SLC4A10: variants seen among roughly 807,000 people sequenced by gnomAD.
The protein encoded by SLC4A10 is solute carrier family 4 member 10, also known as sodium-driven chloride bicarbonate exchanger.
A neutral mutation model predicts 137.7 loss-of-function variants in SLC4A10; 42 were observed. That is an observed-to-expected ratio of 0.30 (90% CI 0.24 to 0.39). The LOEUF (loss-of-function observed/expected upper bound fraction) is 0.39, where lower values mean the gene tolerates loss of function less well. Among genes scored for constraint, SLC4A10 ranks in the 10% least tolerant of loss-of-function variants. The probability of loss-of-function intolerance (pLI) is 1.00; values close to 1 mark genes in which losing one functional copy is unlikely to be tolerated. For synonymous variants in SLC4A10, 474 were observed against 464.1 expected (o/e 1.02, Z -0.27); for missense variants, 925 against 1,355.0 (o/e 0.68, Z 4.98).
At chr2:161,817,321 G>A (rs1378676523) in intron 3 of SLC4A10, among the ~76,000 whole-genome samples, 5 of 152,100 alleles carry the variant, frequency 3.3e-5, no homozygotes, top group Admixed American at 6.5e-5. Context: ...ACTTTTTGAT[G>A]GGACTGTTTG....
intron 1 of SLC4A10, among the ~76,000 whole-genome samples, chr2:161,680,877 C>T (rs543688403): frequency 6.6e-6 from 1 of 151,946 alleles, no homozygotes; most frequent in African/African-American, 2.4e-5. Flanking sequence ...TCACAGTAAC[C>T]CAGATGAGAT....
chr2:161,839,838 C>T lies in SLC4A10; in HGVS notation c.327C>T (p.Asp109=), dbSNP rs745642860. The change falls in exon 4 of 27, where the codon GAC becomes GAT. Residue 109 remains aspartate (D), a synonymous_variant. Coordinates refer to ENST00000446997, the MANE Select transcript of SLC4A10 (RefSeq NM_001178015.2). ...TTATTCTTGGAACCGAGGATGATGA[C>T]GAGGAACACATTCCTCATGACCTTT... ...VQFILGTEDD[D]EEHIPHDLFT... 9.3e-6 allele frequency: 15 copies of T among 1,613,588 alleles called. No homozygotes were observed. Among genetic ancestry groups the T allele is most frequent in the East Asian group, 4.5e-5 (2 of 44,888 alleles).
At chr2:161,686,230 T>G (rs1465688518) in intron 1 of SLC4A10, among the ~76,000 whole-genome samples, 2 of 152,184 alleles carry the variant, frequency 1.3e-5, no homozygotes, top group Non-Finnish European at 2.9e-5. Context: ...TCAAATCCCT[T>G]AGGGATATGA....
intron 2 of SLC4A10, among the ~76,000 whole-genome samples, chr2:161,774,517 G>T (rs1040916458): frequency 6.6e-6 from 1 of 151,700 alleles, no homozygotes; most frequent in African/African-American, 2.4e-5. Context: ...CTGCTTGATG[G>T]CTTATACCTA....
intron 9 of SLC4A10, 119 bp downstream of exon 9, chr2:161,879,407 A>G (rs1345426602): frequency 3.8e-6 from 4 of 1,045,274 alleles, no homozygotes; most frequent in Non-Finnish European, 5.4e-6. Flanking sequence ...TGAAATCCAC[A>G]AAACTACTAT....
At position 161,805,022 on chromosome 2, in the gene SLC4A10, T is replaced by C. The variant is rs1261717370; in HGVS notation, c.277+427T>C. On this transcript the variant is annotated intron_variant, in intron 3 of 26. Coordinates refer to ENST00000446997, the MANE Select transcript of SLC4A10 (RefSeq NM_001178015.2). Reference sequence around the variant, plus strand: ...AAAGACATACCCGGACTAGACAATTTACCAAAATAAAAAAGAGGTTTAATT... The same window carrying C: ...AAAGACATACCCGGACTAGACAATTCACCAAAATAAAAAAGAGGTTTAATT... Among the ~76,000 whole-genome samples the C allele has an allele frequency of 3.3e-5, 5 of 152,260 alleles. No homozygotes were observed. The East Asian group carries it at 9.7e-4, about 29-fold the overall frequency.
chr2:161,824,100 A>G (rs971655222), intron 3 of SLC4A10, among the ~76,000 whole-genome samples: 2 of 152,206 alleles, frequency 1.3e-5, no homozygotes, highest in Non-Finnish European at 2.9e-5. Context: ...AATCCTTTCA[A>G]TGTTGGACAA....
chr2:161,915,759 T>C (rs546605811), intron 15 of SLC4A10, among the ~76,000 whole-genome samples: 2 of 152,094 alleles, frequency 1.3e-5, no homozygotes, highest in East Asian at 3.9e-4. Flanking sequence ...TTGAGCAGGG[T>C]GGGCTGAGTA....
intron 2 of SLC4A10, among the ~76,000 whole-genome samples, chr2:161,803,331 A>G (rs1185863299): frequency 6.6e-6 from 1 of 152,174 alleles, no homozygotes; most frequent in Non-Finnish European, 1.5e-5. Context: ...TTAGTGCAGT[A>G]CATTTGTTAC....
intron 3 of SLC4A10, among the ~76,000 whole-genome samples, chr2:161,836,534 A>AGAG (rs2058790643): frequency 8.5e-5 from 1 of 11,742 alleles, no homozygotes; most frequent in East Asian, 6.0e-4. Context: ...GAGAGAGAGA[A>AGAG]AGAAAGAAAG....
chr2:161,967,966 G>T (rs1218826555), intron 23 of SLC4A10, among the ~76,000 whole-genome samples: 11 of 148,198 alleles, frequency 7.4e-5, no homozygotes, highest in Non-Finnish European at 1.3e-4. Context: ...TGTCTTTACT[G>T]CTTCTGGAAA....
intron 1 of SLC4A10, among the ~76,000 whole-genome samples, chr2:161,744,072 A>G (rs2048176620): frequency 6.6e-6 from 1 of 152,138 alleles, no homozygotes; most frequent in Non-Finnish European, 1.5e-5. Context: ...AATAATCTGC[A>G]AAGAAGGATA....
intron 2 of SLC4A10, among the ~76,000 whole-genome samples, chr2:161,799,836 G>A (rs1370591314): frequency 6.6e-6 from 1 of 151,948 alleles, no homozygotes; most frequent in Non-Finnish European, 1.5e-5. Flanking sequence ...AAGGCACACA[G>A]TTATGCGCAC....
intron 1 of SLC4A10, among the ~76,000 whole-genome samples, chr2:161,762,276 T>G (rs1040715785): frequency 6.6e-6 from 1 of 152,178 alleles, no homozygotes; most frequent in Non-Finnish European, 1.5e-5. Flanking sequence ...TTTAAAAACC[T>G]AATTTCAAAG....
chr2:161,819,339 C>CA (rs1303804785), intron 3 of SLC4A10, among the ~76,000 whole-genome samples: 1 of 151,986 alleles, frequency 6.6e-6, no homozygotes, highest in Non-Finnish European at 1.5e-5. Flanking sequence ...TTTGCTCATA[C>CA]AAAAAACTTT....
Position 161,983,355 on chromosome 2 carries a change from T to G in SLC4A10, c.*203T>G, listed in dbSNP as rs1383806663. On this transcript the variant is annotated 3_prime_UTR_variant, in exon 27 of 27. Transcript: ENST00000446997. ...TCTGTCCCTCAACCCAAATCCACCT[T>G]CATACTGTAAGTAGTGCAATACTTG... 2.1e-6 allele frequency: 2 copies of G among 936,816 alleles called. No homozygotes were observed. Among genetic ancestry groups the G allele is most frequent in the Admixed American group, 2.3e-5 (1 of 42,590 alleles). The allele number at this position is 936,816 out of a possible 1,614,324, so 58.0% of individuals were successfully genotyped here. A position where few individuals can be genotyped will look rare whatever the true frequency, so the allele number is the denominator to read the frequency against.
At chr2:161,843,449 A>G (rs1019097794) in intron 4 of SLC4A10, among the ~76,000 whole-genome samples, 1 of 152,192 alleles carries the variant, frequency 6.6e-6, no homozygotes, top group African/African-American at 2.4e-5. Flanking sequence ...AAGCTTCTAG[A>G]ATCTAATGCA....
At chr2:161,879,104 A>G (rs750890959) in intron 8 of SLC4A10, 27 bp from the exon 9 acceptor site, 2 of 1,608,038 alleles carry the variant, frequency 1.2e-6, no homozygotes, top group Non-Finnish European at 1.7e-6. Context: ...ATTTTGATTT[A>G]TCATATTTAC....
At chr2:161,899,848 C>A (rs780138653) in intron 11 of SLC4A10, among the ~76,000 whole-genome samples, 1 of 152,070 alleles carries the variant, frequency 6.6e-6, no homozygotes, top group Non-Finnish European at 1.5e-5. Flanking sequence ...AGTCTTACTG[C>A]GTCCATCCAT....
Sources: allele counts gnomAD v4.1 joint callset (sites outside exome capture counted in the v4.1 genomes callset), GRCh38; gene constraint gnomAD v4.1.1; transcripts MANE v1.5; gene names NCBI Gene and HGNC (gene_info 2026-07-23, HGNC 2026-07-21).